The following CELF5 variants were observed in gnomAD, a reference collection of about 807,000 sequenced individuals.
CELF5 encodes the protein CUGBP Elav-like family member 5, also known as CUG-BP and ETR-3 like factor 5.
CELF5 carries 6 observed loss-of-function variants against 54.9 expected under a neutral mutation model. The ratio of observed to expected loss-of-function variants is 0.11; its 90% CI spans 0.06 to 0.22. The LOEUF is 0.22. Ranked by LOEUF, CELF5 falls within the 10% of genes least tolerant of loss-of-function variation. The pLI is 1.00. For missense variants in CELF5, 401 were observed against 678.6 expected (o/e 0.59, Z 4.54); for synonymous variants, 271 against 290.9 (o/e 0.93, Z 0.70).
intron 11 of CELF5, 90 bp from the exon 12 acceptor site, chr19:3,293,229 C>T: frequency 1.3e-6 from 2 of 1,549,928 alleles, no homozygotes; most frequent in African/African-American, 1.4e-5. Context: ...TGCTCAGGAC[C>T]CCGTGAGCCG....
chr19:3,262,475 C>T (rs1234057144), intron 2 of CELF5, among the ~76,000 whole-genome samples: 5 of 152,138 alleles, frequency 3.3e-5, no homozygotes, highest in Non-Finnish European at 7.4e-5. Flanking sequence ...AGCACAGATC[C>T]AGAGTGTTCT....
rs1917112627 is a variant in CELF5, at chr19:3,228,942, C to A, written c.259+3944C>A. Among the ~76,000 whole-genome samples the A allele has an allele frequency of 6.6e-6, 1 of 151,282 alleles. No homozygotes were observed. The highest frequency in any genetic ancestry group is 2.1e-4 in the South Asian group (1 of 4,786). On this transcript the variant is annotated intron_variant, in intron 1 of 12. Coordinates refer to ENST00000292672, the MANE Select transcript of CELF5 (RefSeq NM_021938.4). This position sits in a 1 kb window ranked among gnomAD's most constrained non-coding sequence, Gnocchi z 6.0. ...CGCGGGCGCGCGCCTGGGAAGGACT[C>A]CTGCCGGGGTGCTGTGTGGCTTCAA...
intron 1 of CELF5, among the ~76,000 whole-genome samples, chr19:3,239,895 C>G (rs2079467547): frequency 6.6e-6 from 1 of 152,146 alleles, no homozygotes. Context: ...TGCCCAACCC[C>G]TGCTCAAACA....
Position 3,278,236 on chromosome 19 carries a change from G to A in CELF5, c.603+126G>A. 2 of 707,792 alleles carry A rather than the reference G, an allele frequency of 2.8e-6. No homozygotes were observed. Among genetic ancestry groups the A allele is most frequent in the Non-Finnish European group, 4.8e-6 (2 of 417,560 alleles). The allele number at this position is 707,792 out of a possible 1,614,324, so 43.8% of individuals were successfully genotyped here. On this transcript the variant is annotated intron_variant, in intron 5 of 12. Transcript: ENST00000292672. This position sits in a 1 kb window ranked among gnomAD's most constrained non-coding sequence, Gnocchi z 4.5. ...AGCCCCTGGCTGTCCTTCAGAGGGG[G>A]CACAGGTGGAGAAAGAGGCGCAGTC...
At chr19:3,241,839 G>A (rs1458362996) in intron 1 of CELF5, among the ~76,000 whole-genome samples, 6 of 152,018 alleles carry the variant, frequency 3.9e-5, no homozygotes, top group African/African-American at 9.7e-5. Flanking sequence ...GCAGTGGCGC[G>A]ACCTCGGCTC....
chr19:3,233,790 C>A (rs1917388007), intron 1 of CELF5, among the ~76,000 whole-genome samples: 1 of 152,174 alleles, frequency 6.6e-6, no homozygotes, highest in Non-Finnish European at 1.5e-5. Flanking sequence ...GCCATGGAGA[C>A]CTGTGGCAGG....
chr19:3,272,696 C>T (rs755441000), intron 2 of CELF5, among the ~76,000 whole-genome samples: 1 of 152,130 alleles, frequency 6.6e-6, no homozygotes, highest in African/African-American at 2.4e-5. Flanking sequence ...AGAGACAGAG[C>T]AAGACATAGA....
Position 3,285,762 on chromosome 19 carries a change from C to T in CELF5, c.1103-180C>T, listed in dbSNP as rs560765586. Reference sequence around the variant, plus strand: ...AGCCCCTCCCCGTTTCGTCTGTGATCTTGGCCCCGCCCTCTGGCCTGGCCC... The same window carrying T: ...AGCCCCTCCCCGTTTCGTCTGTGATTTTGGCCCCGCCCTCTGGCCTGGCCC... On this transcript the variant is annotated intron_variant, in intron 9 of 12. Coordinates refer to ENST00000292672, the MANE Select transcript of CELF5 (RefSeq NM_021938.4). Among the ~76,000 whole-genome samples, 36 of 136,348 alleles carry T rather than the reference C, an allele frequency of 2.6e-4. No homozygotes were observed. The South Asian group carries it at 8.9e-3, about 34-fold the overall frequency. The allele number at this position is 136,348 out of a possible 152,430, so 89.4% of individuals were successfully genotyped here.
At chr19:3,257,746 G>T (rs991161363) in intron 2 of CELF5, among the ~76,000 whole-genome samples, 8 of 151,682 alleles carry the variant, frequency 5.3e-5, no homozygotes, top group Admixed American at 3.3e-4. Context: ...AAAGTGCTGG[G>T]ATTACAGGCA....
chr19:3,253,692 G>A (rs1019306661), intron 2 of CELF5, among the ~76,000 whole-genome samples: 1 of 152,210 alleles, frequency 6.6e-6, no homozygotes, highest in Non-Finnish European at 1.5e-5. Context: ...ACTTGTCCAA[G>A]GTTAGGCAGC....
At chr19:3,267,657 G>A (rs2079902108) in intron 2 of CELF5, among the ~76,000 whole-genome samples, 1 of 152,316 alleles carries the variant, frequency 6.6e-6, no homozygotes, top group East Asian at 1.9e-4. Context: ...AGTCTTGGGG[G>A]CTGAGGTACA....
intron 11 of CELF5, among the ~76,000 whole-genome samples, chr19:3,291,850 A>G (rs2080354465): frequency 6.6e-6 from 1 of 152,170 alleles, no homozygotes; most frequent in African/African-American, 2.4e-5. Flanking sequence ...GACAGAGGAC[A>G]TTAAGGCTCT....
At chr19:3,265,751 G>C (rs1478768500) in intron 2 of CELF5, among the ~76,000 whole-genome samples, 1 of 152,092 alleles carries the variant, frequency 6.6e-6, no homozygotes. Context: ...AGCAGCCCAG[G>C]CGGCTGCTCT....
At chr19:3,262,529 C>T (rs919130385) in intron 2 of CELF5, among the ~76,000 whole-genome samples, 2 of 152,062 alleles carry the variant, frequency 1.3e-5, no homozygotes, top group East Asian at 1.9e-4. Context: ...CTGTTCTAGA[C>T]CAGAGAGGTC....
At chr19:3,284,066 C>A (rs574566814) in intron 8 of CELF5, among the ~76,000 whole-genome samples, 33 of 151,460 alleles carry the variant, frequency 2.2e-4, no homozygotes, top group South Asian at 6.3e-4. Context: ...AAGCTGGTCT[C>A]GAAACTCCTG....
At chr19:3,289,407 T>C (rs928855153) in intron 10 of CELF5, among the ~76,000 whole-genome samples, 52 of 152,034 alleles carry the variant, frequency 3.4e-4, no homozygotes, top group African/African-American at 1.2e-3. Flanking sequence ...CCAGGCTGGG[T>C]GCAATGGCTC....
chr19:3,233,635 G>T (rs934834438), intron 1 of CELF5, among the ~76,000 whole-genome samples: 1 of 152,184 alleles, frequency 6.6e-6, no homozygotes, highest in African/African-American at 2.4e-5. Context: ...TGTGTTGGAG[G>T]AACAGCAAGG....
intron 10 of CELF5, chr19:3,286,437 C>G (rs191220161): frequency 1.1e-5 from 2 of 188,690 alleles, no homozygotes; most frequent in East Asian, 2.7e-4. Context: ...AGTCAGGGTT[C>G]AAATCCATAC....
intron 1 of CELF5, among the ~76,000 whole-genome samples, chr19:3,235,940 T>G (rs1337986665): frequency 6.6e-6 from 1 of 151,928 alleles, no homozygotes; most frequent in Non-Finnish European, 1.5e-5. Flanking sequence ...TGGGGAAATT[T>G]CTGGTGTAGT....
Sources: allele counts gnomAD v4.1 joint callset (sites outside exome capture counted in the v4.1 genomes callset), GRCh38; gene constraint gnomAD v4.1.1; non-coding constraint Gnocchi (gnomAD v3.1); transcripts MANE v1.5; gene names NCBI Gene and HGNC (gene_info 2026-07-23, HGNC 2026-07-21).